CSGALNACT1: variants seen among roughly 807,000 people sequenced by gnomAD.
The protein encoded by CSGALNACT1 is beta4GalNAcT-1.
Under a neutral mutation model 51.0 loss-of-function variants are expected in CSGALNACT1, and 52 were observed. The observed-to-expected ratio is 1.02, with a 90% CI of 0.82 to 1.29. CSGALNACT1 has a LOEUF of 1.29. Ranked by LOEUF, CSGALNACT1 falls within the 50% of genes most tolerant of loss-of-function variation. The probability of loss-of-function intolerance (pLI) is 0.00; values close to 1 mark genes in which losing one functional copy is unlikely to be tolerated. For synonymous variants in CSGALNACT1, 341 were observed against 254.4 expected (o/e 1.34, Z -3.24); for missense variants, 935 against 679.2 (o/e 1.38, Z -4.19).
chr8:19,629,006 C>T (rs1412365067), intron 1 of CSGALNACT1, among the ~76,000 whole-genome samples: 4 of 152,010 alleles, frequency 2.6e-5, no homozygotes. Flanking sequence ...TTCTAAGAGA[C>T]CAAGGAGAAA....
At chr8:19,507,176 G>T (rs2077497184) in intron 3 of CSGALNACT1, among the ~76,000 whole-genome samples, 1 of 152,196 alleles carries the variant, frequency 6.6e-6, no homozygotes, top group Admixed American at 6.5e-5. Flanking sequence ...GACAGGAGAT[G>T]AATTTATCAT....
intron 4 of CSGALNACT1, among the ~76,000 whole-genome samples, chr8:19,478,283 G>C (rs536469474): frequency 6.6e-6 from 1 of 151,802 alleles, no homozygotes; most frequent in Non-Finnish European, 1.5e-5. Flanking sequence ...GTGTGGTGGC[G>C]GGCACCTGTA....
At chr8:19,501,485 G>A (rs952366968) in intron 4 of CSGALNACT1, among the ~76,000 whole-genome samples, 1 of 152,082 alleles carries the variant, frequency 6.6e-6, no homozygotes, top group African/African-American at 2.4e-5. Flanking sequence ...CATAGCTTAG[G>A]TTCCATCTCA....
chr8:19,654,780 A>G (rs2058112753), intron 1 of CSGALNACT1, among the ~76,000 whole-genome samples: 2 of 152,142 alleles, frequency 1.3e-5, no homozygotes, highest in Admixed American at 6.5e-5. Context: ...CCTGAGCTCA[A>G]GCAATCCTCC....
At chr8:19,534,565 C>G (rs2083390980) in intron 3 of CSGALNACT1, among the ~76,000 whole-genome samples, 1 of 152,082 alleles carries the variant, frequency 6.6e-6, no homozygotes, top group South Asian at 2.1e-4. Flanking sequence ...GGGGAAAACA[C>G]ACCAATCATG....
At chr8:19,505,240 G>A (rs1448404267) in exon 4 of CSGALNACT1, 1 of 1,614,098 alleles carries the variant, frequency 6.2e-7, no homozygotes, top group East Asian at 2.2e-5. Context: ...CGGTGATTGG[G>A]GCTGTTCTCT....
In CSGALNACT1 at chr8:19,408,907, T is replaced by C. The variant is rs537272622; in HGVS notation, c.1228-213A>G. ...GTCCCAAAACAAGGTCTTGTGATTT[T>C]TGGCACCTCTGGCTGGAATGTTTCT... On this transcript the variant is annotated intron_variant, in intron 8 of 9. Coordinates refer to ENST00000454498, the Ensembl canonical transcript of CSGALNACT1. Among the ~76,000 whole-genome samples the C allele has an allele frequency of 2.7e-5, 4 of 148,010 alleles. No individual in the cohort carries two copies. The East Asian group carries it at 7.9e-4, about 29-fold the overall frequency.
chr8:19,565,057 T>C (rs1475439252), intron 3 of CSGALNACT1, among the ~76,000 whole-genome samples: 1 of 152,204 alleles, frequency 6.6e-6, no homozygotes, highest in Non-Finnish European at 1.5e-5. Context: ...GTGCCCACTA[T>C]ATTACAAATT....
chr8:19,588,187 C>G (rs1276005985), intron 3 of CSGALNACT1, among the ~76,000 whole-genome samples: 2 of 151,618 alleles, frequency 1.3e-5, no homozygotes, highest in African/African-American at 4.9e-5. Flanking sequence ...AAGAATGAAA[C>G]CCTGTCCCCC....
intron 3 of CSGALNACT1, among the ~76,000 whole-genome samples, chr8:19,521,421 G>A (rs113650704): frequency 0.012 from 1,832 of 152,348 alleles, 39 homozygotes; most frequent in African/African-American, 0.042. Flanking sequence ...GGTGACTTAC[G>A]TCTGTAATCC....
At chr8:19,415,929 G>T (rs772719133) in intron 8 of CSGALNACT1, among the ~76,000 whole-genome samples, 6 of 152,130 alleles carry the variant, frequency 3.9e-5, no homozygotes, top group Non-Finnish European at 7.3e-5. Flanking sequence ...TAACACAATG[G>T]TATTTGTGTA....
At chr8:19,637,028 T>TAA (rs112446820) in intron 1 of CSGALNACT1, among the ~76,000 whole-genome samples, 12 of 144,176 alleles carry the variant, frequency 8.3e-5, no homozygotes, top group South Asian at 6.6e-4. Flanking sequence ...TGTTCTCTAC[T>TAA]AAAAAAAAAA....
intron 1 of CSGALNACT1, among the ~76,000 whole-genome samples, chr8:19,680,906 C>G (rs191247100): frequency 6.6e-6 from 1 of 152,174 alleles, no homozygotes; most frequent in African/African-American, 2.4e-5. Flanking sequence ...TGCCATATGT[C>G]AGGTTTCTAC....
At chr8:19,505,261 T>C (rs1213555326) in exon 4 of CSGALNACT1, 1 of 1,614,056 alleles carries the variant, frequency 6.2e-7, no homozygotes, top group Non-Finnish European at 8.5e-7. Flanking sequence ...GCAGGACTGT[T>C]CAGGGTCTCC....
At chr8:19,707,055 C>T (rs1478497879) in intron 1 of CSGALNACT1, among the ~76,000 whole-genome samples, 4 of 152,092 alleles carry the variant, frequency 2.6e-5, no homozygotes, top group African/African-American at 9.7e-5. Flanking sequence ...CTCTTACCAG[C>T]ACCCAGGGAT....
chr8:19,432,148 G>A (rs2153728883), intron 6 of CSGALNACT1, among the ~76,000 whole-genome samples: 1 of 152,244 alleles, frequency 6.6e-6, no homozygotes, highest in South Asian at 2.1e-4. Context: ...TACAGGGCAT[G>A]TTTATTAGTG....
At chr8:19,445,922 C>A (rs981581401) in intron 5 of CSGALNACT1, among the ~76,000 whole-genome samples, 9 of 152,176 alleles carry the variant, frequency 5.9e-5, no homozygotes, top group Non-Finnish European at 1.3e-4. Flanking sequence ...TGCCTATAAT[C>A]TCAGCACTTT....
chr8:19,515,957 C>T (rs1005708243), intron 3 of CSGALNACT1, among the ~76,000 whole-genome samples: 22 of 152,186 alleles, frequency 1.4e-4, no homozygotes, highest in South Asian at 4.2e-4. Flanking sequence ...AGAATAAAGA[C>T]GCTTCTTCCA....
exon 10 of CSGALNACT1, chr8:19,405,748 A>G: frequency 6.2e-7 from 1 of 1,613,896 alleles, no homozygotes; most frequent in Non-Finnish European, 8.5e-7. Flanking sequence ...AAAGGAAAGA[A>G]AAAGTGTCTC....
Sources: gnomAD v4.1 joint callset for allele counts (sites outside exome capture counted in the v4.1 genomes callset) on GRCh38, gnomAD v4.1.1 for gene constraint, MANE v1.5 for transcripts, NCBI Gene and HGNC (gene_info 2026-07-23, HGNC 2026-07-21) for gene names.